KCNIP4: variants seen among roughly 807,000 people sequenced by gnomAD.
The protein encoded by KCNIP4 is potassium voltage-gated channel interacting protein 4, also known as Kv channel-interacting protein 4.
KCNIP4 carries 12 observed loss-of-function variants against 34.0 expected under a neutral mutation model. The ratio of observed to expected loss-of-function variants is 0.35; its 90% CI spans 0.23 to 0.57. KCNIP4 has a LOEUF of 0.57. Among genes scored for constraint, KCNIP4 ranks in the 20% least tolerant of loss-of-function variants. KCNIP4 has a pLI of 0.83. For missense variants in KCNIP4, 238 were observed against 311.7 expected (o/e 0.76, Z 1.78); for synonymous variants, 124 against 102.2 (o/e 1.21, Z -1.29).
chr4:21,323,780 A>G (rs1019272999), intron 1 of KCNIP4, among the ~76,000 whole-genome samples: 2 of 152,012 alleles, frequency 1.3e-5, no homozygotes, highest in Admixed American at 1.3e-4. Flanking sequence ...TAGCAGTGGA[A>G]TTTATGGATC....
intron 1 of KCNIP4, among the ~76,000 whole-genome samples, chr4:21,104,116 G>A (rs1381700259): frequency 6.6e-6 from 1 of 151,932 alleles, no homozygotes; most frequent in Non-Finnish European, 1.5e-5. Flanking sequence ...GGGATGGCTG[G>A]GTCAAATGGT....
chr4:21,263,487 A>T (rs1761600963), intron 1 of KCNIP4, among the ~76,000 whole-genome samples: 1 of 152,080 alleles, frequency 6.6e-6, no homozygotes, highest in Non-Finnish European at 1.5e-5. Flanking sequence ...TTAAAAGACT[A>T]AGCTTCTGGG....
chr4:21,698,870 T>C (rs553602854), intron 1 of KCNIP4, among the ~76,000 whole-genome samples: 2 of 152,280 alleles, frequency 1.3e-5, no homozygotes, highest in South Asian at 2.1e-4. Context: ...CTGAAACACA[T>C]TGAATGGAAA....
rs529193671 is a variant in KCNIP4 at position 21,925,117 on chromosome 4, G to T, written c.61+23454C>A. Among the ~76,000 whole-genome samples the T allele has an allele frequency of 5.9e-5, 9 of 151,384 alleles. No homozygotes were observed. The East Asian group carries it at 1.2e-3, about 20-fold the overall frequency. On this transcript the variant is annotated intron_variant, in intron 1 of 8. Transcript: ENST00000382152. Reference sequence around the variant, plus strand: ...TTATTATTATACTTTAAGTTTTAGGGTACATGTGTACAACGTGCAGGTTTG... The same window carrying T: ...TTATTATTATACTTTAAGTTTTAGGTTACATGTGTACAACGTGCAGGTTTG...
chr4:21,338,353 C>T (rs992610733), intron 1 of KCNIP4, among the ~76,000 whole-genome samples: 1 of 148,354 alleles, frequency 6.7e-6, no homozygotes, highest in African/African-American at 2.5e-5. Flanking sequence ...ACTGGCTATA[C>T]ATTGTGACAT....
chr4:21,829,924 A>G lies in KCNIP4; in HGVS notation c.61+118647T>C, dbSNP rs541075455. ...AGTAGAGGAAGAAAGAAAAAGAGGA[A>G]GAAAGGAACAAAAGATCTATAAAAC... On this transcript the variant is annotated intron_variant, in intron 1 of 8. Coordinates refer to ENST00000382152, the MANE Select transcript of KCNIP4 (RefSeq NM_025221.6). Among the ~76,000 whole-genome samples, 8 of 152,270 alleles carry G rather than the reference A, an allele frequency of 5.3e-5. No individual in the cohort carries two copies. In the South Asian group the frequency reaches 1.7e-3, roughly 32 times the overall value.
chr4:21,671,147 G>A (rs184283802), intron 1 of KCNIP4, among the ~76,000 whole-genome samples: 50 of 151,866 alleles, frequency 3.3e-4, no homozygotes, highest in African/African-American at 7.2e-4. Context: ...TATTTTTATC[G>A]CATGCCTCAT....
chr4:21,724,877 C>T (rs964895313), intron 1 of KCNIP4, among the ~76,000 whole-genome samples: 1 of 152,038 alleles, frequency 6.6e-6, no homozygotes, highest in Non-Finnish European at 1.5e-5. Context: ...ACAGACCTAA[C>T]CATACAGTAT....
chr4:21,089,921 C>G (rs1190646931), intron 1 of KCNIP4, among the ~76,000 whole-genome samples: 1 of 152,186 alleles, frequency 6.6e-6, no homozygotes, highest in African/African-American at 2.4e-5. Flanking sequence ...CACATACTCT[C>G]CCTTGTTTTC....
At chr4:21,651,882 T>C (rs769518397) in intron 1 of KCNIP4, among the ~76,000 whole-genome samples, 3 of 152,180 alleles carry the variant, frequency 2.0e-5, no homozygotes, top group Admixed American at 6.5e-5. Context: ...TGTATATATA[T>C]AGCTATGTAA....
chr4:20,910,330 TTAA>T (rs1351205378), intron 1 of KCNIP4, among the ~76,000 whole-genome samples: 3 of 152,076 alleles, frequency 2.0e-5, no homozygotes, highest in Non-Finnish European at 2.9e-5. Context: ...GAGGAAGCTT[TTAA>T]TAATAATGTA....
At chr4:21,816,604 C>T (rs1722003776) in intron 1 of KCNIP4, among the ~76,000 whole-genome samples, 1 of 152,122 alleles carries the variant, frequency 6.6e-6, no homozygotes, top group Admixed American at 6.5e-5. Flanking sequence ...TTTGTTCTCC[C>T]ATTAACCCTT....
intron 1 of KCNIP4, among the ~76,000 whole-genome samples, chr4:21,356,615 T>C (rs1294586865): frequency 6.6e-6 from 1 of 152,128 alleles, no homozygotes; most frequent in Non-Finnish European, 1.5e-5. Context: ...GCAAGGGATG[T>C]GAAGGACCTC....
intron 1 of KCNIP4, among the ~76,000 whole-genome samples, chr4:21,859,952 G>T (rs1184011283): frequency 6.6e-6 from 1 of 152,054 alleles, no homozygotes; most frequent in Non-Finnish European, 1.5e-5. Context: ...GAGGTGGAAG[G>T]ATTGCTTGAG....
At chr4:20,743,026 TAAGGGTGTGAAGGACCCTTA>T (rs1560423017) in intron 5 of KCNIP4, among the ~76,000 whole-genome samples, 1 of 98,940 alleles carries the variant, frequency 1.0e-5, no homozygotes, top group African/African-American at 4.9e-5. Context: ...AGGACCCTTA[TAAGGGTGTGAAGGACCCTTA>T]TAAGGGTGTG....
At chr4:21,751,379 T>C (rs1047985571) in intron 1 of KCNIP4, among the ~76,000 whole-genome samples, 4 of 152,080 alleles carry the variant, frequency 2.6e-5, no homozygotes, top group African/African-American at 9.7e-5. Context: ...TTAATTGTGT[T>C]AGGTGTTATG....
At chr4:21,697,451 G>A (rs2109057283) in intron 1 of KCNIP4, 1 of 1,551,596 alleles carries the variant, frequency 6.4e-7, no homozygotes, top group Non-Finnish European at 8.6e-7. Flanking sequence ...AAGCAACAAG[G>A]TATTCCTCTG....
intron 1 of KCNIP4, among the ~76,000 whole-genome samples, chr4:21,147,717 T>A (rs773232653): frequency 5.9e-5 from 9 of 151,840 alleles, no homozygotes; most frequent in Non-Finnish European, 1.2e-4. Context: ...GGTGGGTGGA[T>A]CTCTTTAGGT....
chr4:21,896,473 G>A (rs1050631380), intron 1 of KCNIP4, among the ~76,000 whole-genome samples: 1 of 152,148 alleles, frequency 6.6e-6, no homozygotes, highest in Non-Finnish European at 1.5e-5. Context: ...TCTAGGATAT[G>A]AGAGAAGACC....
Sources: gnomAD v4.1 joint callset for allele counts (sites outside exome capture counted in the v4.1 genomes callset) on GRCh38, gnomAD v4.1.1 for gene constraint, MANE v1.5 for transcripts, NCBI Gene and HGNC (gene_info 2026-07-23, HGNC 2026-07-21) for gene names.